KCNAB1: variants seen among roughly 807,000 people sequenced by gnomAD.
KCNAB1 encodes the protein voltage-gated potassium channel subunit beta-1.
Under a neutral mutation model 64.6 loss-of-function variants are expected in KCNAB1, and 35 were observed. That is an observed-to-expected ratio of 0.54 (90% CI 0.41 to 0.72). KCNAB1 has a LOEUF of 0.72. Ranked by LOEUF, KCNAB1 falls within the 30% of genes least tolerant of loss-of-function variation. The pLI, the probability that KCNAB1 is intolerant of heterozygous loss-of-function variation, is 0.00. For missense variants in KCNAB1, 401 were observed against 512.9 expected, an observed-to-expected ratio of 0.78 and a Z score of 2.11; for synonymous variants, 177 against 183.8, an observed-to-expected ratio of 0.96 and a Z score of 0.30.
At chr3:156,176,837 C>T (rs1712410349) in intron 1 of KCNAB1, 1 of 1,000,614 alleles carries the variant, frequency 1.0e-6, no homozygotes, top group East Asian at 2.4e-5. Flanking sequence ...CCACTCCCAA[C>T]AGCAACTCAT....
intron 1 of KCNAB1, among the ~76,000 whole-genome samples, chr3:156,312,716 A>C (rs1367456127): frequency 2.0e-5 from 3 of 150,658 alleles, no homozygotes; most frequent in East Asian, 3.9e-4. Context: ...AAAAAAAAAA[A>C]AAAAAAAAAA....
chr3:156,419,500 C>CA (rs1242279317), intron 1 of KCNAB1, among the ~76,000 whole-genome samples: 25 of 81,438 alleles, frequency 3.1e-4, no homozygotes, highest in South Asian at 1.3e-3. Context: ...GACTCCGTCT[C>CA]AAAAAAAAAG....
chr3:156,191,843 A>G (rs1350164866), intron 1 of KCNAB1, among the ~76,000 whole-genome samples: 2 of 152,202 alleles, frequency 1.3e-5, no homozygotes, highest in Non-Finnish European at 2.9e-5. Context: ...CAAAGGCACA[A>G]TCCCAGGTGA....
At chr3:156,477,314 T>C (rs906873233) in intron 8 of KCNAB1, among the ~76,000 whole-genome samples, 1 of 152,164 alleles carries the variant, frequency 6.6e-6, no homozygotes, top group Admixed American at 6.6e-5. Context: ...CAAAGCGGAA[T>C]GGGAAGCTAT....
chr3:156,258,685 T>C (rs1162494542), intron 1 of KCNAB1, among the ~76,000 whole-genome samples: 1 of 152,216 alleles, frequency 6.6e-6, no homozygotes, highest in Non-Finnish European at 1.5e-5. Flanking sequence ...AATCATTTGC[T>C]GGAAAGAACA....
At chr3:156,191,666 T>G (rs1713571855) in intron 1 of KCNAB1, among the ~76,000 whole-genome samples, 1 of 152,178 alleles carries the variant, frequency 6.6e-6, no homozygotes, top group Admixed American at 6.5e-5. Flanking sequence ...CACATAGTAT[T>G]TTTTTAAAAA....
rs1186004969 is a variant in KCNAB1, at chr3:156,531,426, G to A, written c.1099G>A (p.Glu367Lys). 1.9e-6 allele frequency: 3 copies of A among 1,613,806 alleles called. No homozygotes were observed. The highest frequency in any genetic ancestry group is 2.5e-6 in the Non-Finnish European group (3 of 1,179,776). ...QLAVAWCLRN[E>K]GVSSVLLGSS... is the part of the protein sequence containing the mutation. ...CCTCCCAGCGTGGTGCCTGAGAAAT[G>A]AAGGTGTGAGTTCTGTGCTCCTGGG... The change falls in exon 13 of 14, where the codon GAA becomes AAA. Residue 367 changes from glutamate to lysine, a missense_variant. Physicochemically the swap from Glu to Lys is moderately conservative, Grantham distance 56. Transcript: ENST00000490337.
rs1721336860 is a variant in KCNAB1, at chr3:156,304,248, AT to A, written c.276-117367del. The stretch of plus-strand genomic sequence containing the variant: ...AAATGCTAATTATCAGAATGTCTGA[AT>A]AACATTCTTTGCCAGTAAAATCATT... On this transcript the variant is annotated intron_variant, in intron 1 of 13. Transcript: ENST00000490337. Among the ~76,000 whole-genome samples, 5 of 152,216 alleles carry A rather than the reference AT, an allele frequency of 3.3e-5. No individual in the cohort carries two copies. In the South Asian group the frequency reaches 1.0e-3, roughly 32 times the overall value.
At chr3:156,220,956 C>T (rs907142244) in intron 1 of KCNAB1, among the ~76,000 whole-genome samples, 1 of 152,190 alleles carries the variant, frequency 6.6e-6, no homozygotes, top group Non-Finnish European at 1.5e-5. Flanking sequence ...TTCCCCAGCA[C>T]CATTTATTAA....
At chr3:156,489,748 T>A (rs1034278616) in intron 8 of KCNAB1, among the ~76,000 whole-genome samples, 4 of 151,918 alleles carry the variant, frequency 2.6e-5, no homozygotes, top group African/African-American at 9.7e-5. Flanking sequence ...CCTAGACCAA[T>A]ATGTATGAAA....
At chr3:156,189,419 T>C (rs756590827) in intron 1 of KCNAB1, among the ~76,000 whole-genome samples, 71 of 152,288 alleles carry the variant, frequency 4.7e-4, no homozygotes, top group Non-Finnish European at 7.5e-4. Flanking sequence ...GGATGGTGGG[T>C]GAGGAGCTCC....
At chr3:156,446,043 T>C (rs1711524039) in intron 2 of KCNAB1, 1 of 152,214 alleles carries the variant, frequency 6.6e-6, no homozygotes. Flanking sequence ...CCAGGGGAAG[T>C]GCTAAGAAAC....
chr3:156,499,801 C>T (rs1467720204), intron 8 of KCNAB1, among the ~76,000 whole-genome samples: 1 of 152,118 alleles, frequency 6.6e-6, no homozygotes, highest in Non-Finnish European at 1.5e-5. Context: ...CAGCCCAGAG[C>T]CAAGCACAAG....
At chr3:156,242,212 ATTATT>A (rs1717199672) in intron 1 of KCNAB1, among the ~76,000 whole-genome samples, 1 of 151,998 alleles carries the variant, frequency 6.6e-6, no homozygotes, top group African/African-American at 2.4e-5. Context: ...ATGTTCCTAA[ATTATT>A]TTGTTTTATT....
intron 1 of KCNAB1, among the ~76,000 whole-genome samples, chr3:156,162,200 T>C (rs1716122847): frequency 6.6e-6 from 1 of 152,194 alleles, no homozygotes; most frequent in Non-Finnish European, 1.5e-5. Context: ...TTTCTAAACA[T>C]TGCCTATGGC....
chr3:156,496,544 A>T (rs1434014485), intron 8 of KCNAB1, among the ~76,000 whole-genome samples: 2 of 152,180 alleles, frequency 1.3e-5, no homozygotes, highest in East Asian at 3.8e-4. Context: ...TTTCTTTATA[A>T]ATTACCCAGT....
rs1022490578 is a variant in KCNAB1 at position 156,380,840 on chromosome 3, A to G, written c.276-40776A>G. On this transcript the variant is annotated intron_variant, in intron 1 of 13. Transcript: ENST00000490337. ...GATCTGGTCCCTGATTTTGAGGGGT[A>G]TAGTCTGCTGAGGGAGACATCAGCC... Among the ~76,000 whole-genome samples the G allele has an allele frequency of 2.6e-5, 4 of 152,224 alleles. No homozygotes were observed. The East Asian group carries it at 7.7e-4, about 29-fold the overall frequency.
intron 1 of KCNAB1, among the ~76,000 whole-genome samples, chr3:156,366,657 A>T (rs1415850454): frequency 6.6e-6 from 1 of 152,204 alleles, no homozygotes; most frequent in Non-Finnish European, 1.5e-5. Context: ...CCATCCCTTT[A>T]AGACAAGGAT....
intron 1 of KCNAB1, among the ~76,000 whole-genome samples, chr3:156,236,140 C>T (rs9866991): frequency 0.57 from 86,974 of 151,966 alleles, 25,534 homozygotes; most frequent in East Asian, 0.9. Context: ...GATGATCAGC[C>T]AGGTTGGAAA....
Sources: allele counts gnomAD v4.1 joint callset (sites outside exome capture counted in the v4.1 genomes callset), GRCh38; gene constraint gnomAD v4.1.1; transcripts MANE v1.5; gene names NCBI Gene and HGNC (gene_info 2026-07-23, HGNC 2026-07-21).